The following KCNH5 variants were observed in gnomAD, a reference collection of about 807,000 sequenced individuals.
The protein encoded by KCNH5 is potassium voltage-gated channel subfamily H member 5.
KCNH5 carries 46 observed loss-of-function variants against 96.1 expected under a neutral mutation model. The observed-to-expected ratio is 0.48, with a 90% CI of 0.38 to 0.61. KCNH5 has a LOEUF of 0.61. KCNH5 is among the 20% of genes least tolerant of loss of function. KCNH5 has a pLI of 0.00. For synonymous variants in KCNH5, 439 were observed against 449.8 expected (o/e 0.98, Z 0.30); for missense variants, 907 against 1,225.8 (o/e 0.74, Z 3.88).
intron 10 of KCNH5, among the ~76,000 whole-genome samples, chr14:62,742,066 C>T (rs1885282070): frequency 6.6e-6 from 1 of 151,984 alleles, no homozygotes. Flanking sequence ...TCCTCAAAGG[C>T]CTGGAAGGAG....
At chr14:62,910,943 C>CACACA (rs1315974053) in intron 7 of KCNH5, among the ~76,000 whole-genome samples, 5 of 88,242 alleles carry the variant, frequency 5.7e-5, no homozygotes, top group African/African-American at 2.0e-4. Flanking sequence ...ACACACACAC[C>CACACA]CCTCTGTTGT....
chr14:62,908,871 C>T (rs1481957717), intron 7 of KCNH5, among the ~76,000 whole-genome samples: 1 of 127,844 alleles, frequency 7.8e-6, no homozygotes, highest in African/African-American at 3.0e-5. Flanking sequence ...CTCCTTCTAG[C>T]AAATCACCAA....
chr14:63,009,940 C>G (rs976629836), intron 2 of KCNH5, among the ~76,000 whole-genome samples: 1 of 152,124 alleles, frequency 6.6e-6, no homozygotes, highest in Non-Finnish European at 1.5e-5. Flanking sequence ...TAATAATTTT[C>G]CATAGTTTTC....
intron 10 of KCNH5, among the ~76,000 whole-genome samples, chr14:62,773,841 G>A (rs1003766510): frequency 1.3e-5 from 2 of 152,112 alleles, no homozygotes; most frequent in Admixed American, 6.5e-5. Flanking sequence ...TTTTTAAATG[G>A]TTCATTCTCT....
chr14:62,967,107 C>A (rs1890319539), intron 6 of KCNH5, among the ~76,000 whole-genome samples: 1 of 152,136 alleles, frequency 6.6e-6, no homozygotes, highest in Admixed American at 6.5e-5. Flanking sequence ...TTCAGAGTCC[C>A]ACAAGAGATA....
At position 62,858,607 on chromosome 14, in the gene KCNH5, C is replaced by T. The variant is rs1000950669; in HGVS notation, c.1370-8755G>A. 7.2e-5 allele frequency among the ~76,000 whole-genome samples: 11 copies of T among 152,230 alleles called. 1 individual carries two copies. Among genetic ancestry groups the T allele is most frequent in the Admixed American group, 2.0e-4 (3 of 15,294 alleles). The stretch of plus-strand genomic sequence containing the variant: ...TTTAATGGAATCTTTGTTGTGTCTC[C>T]TGGCTCCTCCCTCTGGAACCAAGAC... On this transcript the variant is annotated intron_variant, in intron 7 of 10. Coordinates refer to ENST00000322893, the MANE Select transcript of KCNH5 (RefSeq NM_139318.5).
At chr14:62,909,114 C>T (rs1165215429) in intron 7 of KCNH5, among the ~76,000 whole-genome samples, 2 of 131,710 alleles carry the variant, frequency 1.5e-5, no homozygotes, top group Admixed American at 1.8e-4. Context: ...GGCGGGATCT[C>T]GGCTCACTGC....
intron 8 of KCNH5, among the ~76,000 whole-genome samples, chr14:62,821,450 T>A (rs1008599089): frequency 1.3e-5 from 2 of 152,120 alleles, no homozygotes; most frequent in African/African-American, 4.8e-5. Flanking sequence ...GGGAAATATA[T>A]TTTTTTAACT....
At chr14:62,778,334 G>A (rs963010685) in intron 10 of KCNH5, among the ~76,000 whole-genome samples, 15 of 110,430 alleles carry the variant, frequency 1.4e-4, no homozygotes, top group Non-Finnish European at 2.7e-4. Context: ...TTTTTCATCT[G>A]CATTTGGGCA....
chr14:63,003,856 G>C (rs943748017), intron 3 of KCNH5, among the ~76,000 whole-genome samples: 1 of 151,248 alleles, frequency 6.6e-6, no homozygotes, highest in East Asian at 1.9e-4. Context: ...TCCTGACCTC[G>C]TGATCCGCCC....
At chr14:63,015,086 T>C (rs1891301633) in intron 2 of KCNH5, among the ~76,000 whole-genome samples, 1 of 152,044 alleles carries the variant, frequency 6.6e-6, no homozygotes. Flanking sequence ...TACCTAGGAA[T>C]GAAGAATGAA....
intron 8 of KCNH5, among the ~76,000 whole-genome samples, chr14:62,808,036 G>T (rs567738888): frequency 7.2e-4 from 110 of 152,192 alleles, no homozygotes; most frequent in African/African-American, 2.6e-3. Context: ...TATATCTTAG[G>T]CTAGGCTCCA....
intron 8 of KCNH5, among the ~76,000 whole-genome samples, chr14:62,831,505 G>A (rs941250796): frequency 5.3e-5 from 8 of 152,002 alleles, no homozygotes; most frequent in African/African-American, 1.9e-4. Flanking sequence ...CATGTTCATC[G>A]ACCATTTATA....
chr14:62,840,640 G>A (rs1282713894), intron 8 of KCNH5, among the ~76,000 whole-genome samples: 1 of 115,010 alleles, frequency 8.7e-6, no homozygotes, highest in African/African-American at 3.3e-5. Context: ...GCACAATTTT[G>A]GCTCACTGCA....
intron 10 of KCNH5, among the ~76,000 whole-genome samples, chr14:62,736,320 A>G (rs1797538198): frequency 6.6e-6 from 1 of 152,110 alleles, no homozygotes; most frequent in African/African-American, 2.4e-5. Flanking sequence ...TCACATTCAG[A>G]GCAGAAATGA....
In KCNH5 at chr14:62,773,895, T is replaced by C. The variant is rs150232242; in HGVS notation, c.2019+5833A>G. On this transcript the variant is annotated intron_variant, in intron 10 of 10. Coordinates refer to ENST00000322893, the MANE Select transcript of KCNH5 (RefSeq NM_139318.5). The stretch of plus-strand genomic sequence containing the variant: ...TGTCTGTAGGTTTCAGTATCTTTTA[T>C]GGAAAAAAAGGTTACAATGAAATTA... Among the ~76,000 whole-genome samples the C allele has an allele frequency of 1.2e-4, 19 of 152,230 alleles. No homozygotes were observed. The East Asian group carries it at 3.7e-3, about 29-fold the overall frequency.
chr14:62,806,361 T>C (rs1414652689), intron 8 of KCNH5, among the ~76,000 whole-genome samples: 3 of 152,132 alleles, frequency 2.0e-5, no homozygotes, highest in African/African-American at 7.2e-5. Flanking sequence ...AATTCTCTCC[T>C]GTGTGAGATC....
At chr14:62,716,986 T>C (rs1436847321) in intron 10 of KCNH5, among the ~76,000 whole-genome samples, 1 of 152,148 alleles carries the variant, frequency 6.6e-6, no homozygotes, top group East Asian at 1.9e-4. Context: ...TCTGTTGTAT[T>C]TCTATGCACT....
At chr14:62,986,412 C>G (rs2139574432) in intron 5 of KCNH5, among the ~76,000 whole-genome samples, 1 of 152,264 alleles carries the variant, frequency 6.6e-6, no homozygotes, top group East Asian at 1.9e-4. Context: ...CTTCTCCTTC[C>G]CCATATGAGT....
Sources: gnomAD v4.1 joint callset for allele counts (sites outside exome capture counted in the v4.1 genomes callset) on GRCh38, gnomAD v4.1.1 for gene constraint, MANE v1.5 for transcripts, NCBI Gene and HGNC (gene_info 2026-07-23, HGNC 2026-07-21) for gene names.